Variants in RNF2 observed in about 807,000 individuals in gnomAD.
The protein encoded by RNF2 is ring finger protein 2.
In RNF2, 6 loss-of-function variants were observed where a neutral mutation model predicts 37.2. The ratio of observed to expected loss-of-function variants is 0.16; its 90% CI spans 0.09 to 0.32. The LOEUF is 0.32. Ranked by LOEUF, RNF2 falls within the 10% of genes least tolerant of loss-of-function variation. RNF2 has a pLI of 1.00. For synonymous variants in RNF2, 133 were observed against 132.7 expected, an observed-to-expected ratio of 1.00 and a Z score of -0.02; for missense variants, 251 against 404.0, an observed-to-expected ratio of 0.62 and a Z score of 3.25.
intron 4 of RNF2, among the ~76,000 whole-genome samples, 158 bp downstream of exon 4, chr1:185,093,434 G>T (rs1350943623): frequency 6.6e-6 from 1 of 152,132 alleles, no homozygotes; most frequent in Non-Finnish European, 1.5e-5. Context: ...GCATAATAGG[G>T]TATTTCATTT....
At chr1:185,092,735 T>C (rs1472013088) in intron 3 of RNF2, among the ~76,000 whole-genome samples, 1 of 152,082 alleles carries the variant, frequency 6.6e-6, no homozygotes, top group African/African-American at 2.4e-5. Context: ...GTGGGTATTT[T>C]TTCCTTGCAA....
At chr1:185,089,921 C>T (rs1040828489) in intron 2 of RNF2, among the ~76,000 whole-genome samples, 19 of 152,012 alleles carry the variant, frequency 1.2e-4, no homozygotes, top group Admixed American at 3.3e-4. Flanking sequence ...ATCCCAGCTA[C>T]TCGGGAGGCT....
chr1:185,060,420 A>G (rs1650563989), intron 1 of RNF2, among the ~76,000 whole-genome samples: 1 of 152,202 alleles, frequency 6.6e-6, no homozygotes, highest in African/African-American at 2.4e-5. Flanking sequence ...GGTTCCTATT[A>G]TCTGAGTAGG....
intron 1 of RNF2, among the ~76,000 whole-genome samples, chr1:185,063,932 T>A (rs1186787917): frequency 6.6e-6 from 1 of 152,184 alleles, no homozygotes; most frequent in African/African-American, 2.4e-5. Context: ...CCTTTGCAGT[T>A]ACATTGTGCC....
chr1:185,060,540 C>T (rs887389947), intron 1 of RNF2, among the ~76,000 whole-genome samples: 3 of 152,108 alleles, frequency 2.0e-5, no homozygotes, highest in Non-Finnish European at 4.4e-5. Context: ...TGAGGGCACT[C>T]GGAGAATTAA....
At chr1:185,046,130 G>A (rs190950341) in intron 1 of RNF2, 2 of 152,206 alleles carry the variant, frequency 1.3e-5, no homozygotes, top group African/African-American at 4.8e-5. Flanking sequence ...TGGGGTAGGG[G>A]GCACTTTGTG....
At chr1:185,065,222 C>T (rs1327016494) in intron 1 of RNF2, among the ~76,000 whole-genome samples, 1 of 152,006 alleles carries the variant, frequency 6.6e-6, no homozygotes, top group Non-Finnish European at 1.5e-5. Context: ...TCTAAAAATG[C>T]ACCAATCAGT....
At chr1:185,067,492 GA>G (rs1650831178) in intron 1 of RNF2, among the ~76,000 whole-genome samples, 1 of 152,126 alleles carries the variant, frequency 6.6e-6, no homozygotes, top group Non-Finnish European at 1.5e-5. Context: ...AAAAGGAAAA[GA>G]AAAATGCTAA....
intron 1 of RNF2, among the ~76,000 whole-genome samples, chr1:185,080,615 A>G (rs908062015): frequency 2.6e-5 from 4 of 152,210 alleles, no homozygotes; most frequent in African/African-American, 9.6e-5. Context: ...ACCAGAGAAC[A>G]TATTATTGTA....
At chr1:185,091,119 ATAAT>A (rs1350450611) in intron 2 of RNF2, among the ~76,000 whole-genome samples, 1 of 152,240 alleles carries the variant, frequency 6.6e-6, no homozygotes, top group Admixed American at 6.5e-5. Flanking sequence ...AGCATGAAAC[ATAAT>A]TTATTGTGAA....
chr1:185,086,122 A>C (rs1557971698), intron 1 of RNF2, among the ~76,000 whole-genome samples: 1 of 151,828 alleles, frequency 6.6e-6, no homozygotes, highest in African/African-American at 2.4e-5. Context: ...TTTAAGGTTT[A>C]TTTCATCTCT....
At chr1:185,061,128 C>CTT (rs34284435) in intron 1 of RNF2, among the ~76,000 whole-genome samples, 2 of 122,556 alleles carry the variant, frequency 1.6e-5, no homozygotes, top group Non-Finnish European at 1.7e-5. Flanking sequence ...TTCTCTCTCT[C>CTT]TTTTTTTTTT....
intron 1 of RNF2, among the ~76,000 whole-genome samples, chr1:185,061,192 A>G (rs903071179): frequency 0.013 from 1,811 of 142,244 alleles, 30 homozygotes; most frequent in African/African-American, 0.045. Flanking sequence ...CAGTGGCGGG[A>G]TCTCGGCTCA....
chr1:185,081,564 T>G (rs1265768904), intron 1 of RNF2, among the ~76,000 whole-genome samples: 1 of 147,002 alleles, frequency 6.8e-6, no homozygotes, highest in East Asian at 2.1e-4. Context: ...TGACTAATTT[T>G]TGTATTTTTA....
chr1:185,079,131 A>G (rs1651271729), intron 1 of RNF2, among the ~76,000 whole-genome samples: 2 of 140,282 alleles, frequency 1.4e-5, no homozygotes, highest in African/African-American at 5.4e-5. Context: ...AGCTAAAGTT[A>G]TCTCATTCAG....
chr1:185,077,716 T>G (rs1651217191), intron 1 of RNF2, among the ~76,000 whole-genome samples: 2 of 139,464 alleles, frequency 1.4e-5, no homozygotes, highest in South Asian at 2.4e-4. Flanking sequence ...TTTTGTTTTG[T>G]TTTTTTTTTT....
At chr1:185,091,386 CAG>C (rs1557973556) in intron 2 of RNF2, among the ~76,000 whole-genome samples, 191 bp from the exon 3 acceptor site, 1 of 152,046 alleles carries the variant, frequency 6.6e-6, no homozygotes, top group African/African-American at 2.4e-5. Flanking sequence ...ATTTTTATAA[CAG>C]TGGTGGTGAG....
intron 1 of RNF2, among the ~76,000 whole-genome samples, chr1:185,076,430 A>G (rs529963586): frequency 2.0e-5 from 3 of 150,406 alleles, no homozygotes; most frequent in East Asian, 3.9e-4. Flanking sequence ...AGCTGGGACT[A>G]CAGGCGCGTG....
chr1:185,087,383 A>C (rs1651632504), intron 1 of RNF2, among the ~76,000 whole-genome samples, 169 bp from the exon 2 acceptor site: 1 of 152,216 alleles, frequency 6.6e-6, no homozygotes, highest in Non-Finnish European at 1.5e-5. Context: ...AATTTCATTC[A>C]TGAGGGTGGA....
Sources: gnomAD v4.1 joint callset for allele counts (sites outside exome capture counted in the v4.1 genomes callset) on GRCh38, gnomAD v4.1.1 for gene constraint, MANE v1.5 for transcripts, NCBI Gene and HGNC (gene_info 2026-07-23, HGNC 2026-07-21) for gene names.